Variants in GOLM1 observed in about 807,000 individuals in gnomAD.
GOLM1 encodes the protein epididymis luminal protein 46.
Under a neutral mutation model 50.5 loss-of-function variants are expected in GOLM1, and 31 were observed. The observed-to-expected ratio is 0.61, with a 90% CI of 0.46 to 0.83. The LOEUF (loss-of-function observed/expected upper bound fraction) is 0.83, where lower values mean the gene tolerates loss of function less well. Ranked by LOEUF, GOLM1 falls within the 40% of genes least tolerant of loss-of-function variation. The pLI is 0.00. For synonymous variants in GOLM1, 178 were observed against 192.8 expected (o/e 0.92, Z 0.64); for missense variants, 491 against 501.3 (o/e 0.98, Z 0.20).
chr9:86,081,360 C>T (rs544837387), intron 1 of GOLM1, among the ~76,000 whole-genome samples: 3 of 152,056 alleles, frequency 2.0e-5, no homozygotes, highest in Non-Finnish European at 4.4e-5. Context: ...CCACGGCCAG[C>T]TAATTTTGTA....
chr9:86,026,351 C>CTTAG lies in GOLM1; in HGVS notation c.*1462_*1465dup. On this transcript the variant is annotated 3_prime_UTR_variant, in exon 10 of 10. Coordinates refer to ENST00000388712, the MANE Select transcript of GOLM1 (RefSeq NM_016548.4). ...CCTTTTCTGGGTGGGAAAGTTTAAC[C>CTTAG]TTAGTGACTAAGGACATCACATATG... is the stretch of plus-strand genomic sequence containing the variant. 1.0e-6 allele frequency: 1 copy of CTTAG among 985,182 alleles called. No individual in the cohort carries two copies. The highest frequency in any genetic ancestry group is 1.7e-5 in the African/African-American group (1 of 57,296). The allele number at this position is 985,182 out of a possible 1,614,324, so 61.0% of individuals were successfully genotyped here.
intron 3 of GOLM1, among the ~76,000 whole-genome samples, chr9:86,070,293 A>ACCC (rs1310261811): frequency 6.6e-6 from 1 of 151,988 alleles, no homozygotes; most frequent in East Asian, 1.9e-4. Flanking sequence ...GATTATTTTC[A>ACCC]CCCAGCACAG....
At chr9:86,096,256 T>A (rs1403995154) in intron 1 of GOLM1, among the ~76,000 whole-genome samples, 1 of 151,766 alleles carries the variant, frequency 6.6e-6, no homozygotes, top group Non-Finnish European at 1.5e-5. Context: ...AACTTCTGTA[T>A]CCATAAATAA....
chr9:86,076,018 T>C (rs146203828), intron 3 of GOLM1, among the ~76,000 whole-genome samples: 142 of 152,332 alleles, frequency 9.3e-4, no homozygotes, highest in African/African-American at 3.3e-3. Context: ...AGTCCCTTCC[T>C]GGAAATAATT....
intron 6 of GOLM1, among the ~76,000 whole-genome samples, chr9:86,039,834 G>C (rs1039390596): frequency 2.6e-5 from 4 of 152,070 alleles, no homozygotes; most frequent in Non-Finnish European, 5.9e-5. Context: ...CAGGTGTGGT[G>C]GTGGGTGCCT....
chr9:86,050,654 G>A (rs1185798566), intron 4 of GOLM1, among the ~76,000 whole-genome samples: 1 of 152,148 alleles, frequency 6.6e-6, no homozygotes, highest in Non-Finnish European at 1.5e-5. Flanking sequence ...TTTGCATAGA[G>A]GTGTTTATAG....
intron 1 of GOLM1, among the ~76,000 whole-genome samples, chr9:86,085,528 G>A (rs774103836): frequency 2.1e-5 from 3 of 139,762 alleles, no homozygotes; most frequent in Non-Finnish European, 4.5e-5. Context: ...TGTGCAAAAC[G>A]TGCAGGTTTG....
Position 86,028,317 on chromosome 9 carries a change from C to T in GOLM1, c.1130-424G>A, listed in dbSNP as rs148901127. Among the ~76,000 whole-genome samples, 1,499 of 152,268 alleles carry T rather than the reference C, an allele frequency of 9.8e-3. 18 individuals carry two copies. Among genetic ancestry groups the T allele is most frequent in the African/African-American group, 0.03 (1,259 of 41,548 alleles). On this transcript the variant is annotated intron_variant, in intron 9 of 9. Transcript: ENST00000388712. ...GGAACACACTGGCAGAAGAACACAT[C>T]GAAAGACGCTGGCAGGCCATTGATG...
In GOLM1 at chr9:86,035,732, A is replaced by G; in HGVS notation, c.758-107T>C. On this transcript the variant is annotated intron_variant, in intron 7 of 9. Coordinates refer to ENST00000388712, the MANE Select transcript of GOLM1 (RefSeq NM_016548.4). ...CCACTCAATTCCCAGAGCCTTCCCA[A>G]GGAGTGGGGGTGGGGTGGGCTGCAC... The G allele has an allele frequency of 1.2e-5, 13 of 1,046,308 alleles. No individual in the cohort carries two copies. The South Asian group carries it at 2.1e-4, about 17-fold the overall frequency. 64.8% of individuals were successfully genotyped at this position (1,046,308 alleles called of 1,614,324 possible).
intron 8 of GOLM1, among the ~76,000 whole-genome samples, chr9:86,033,696 A>T (rs1345496263): frequency 6.6e-6 from 1 of 152,224 alleles, no homozygotes; most frequent in Non-Finnish European, 1.5e-5. Flanking sequence ...TCAACTCAAG[A>T]TAAAAGAAAG....
intron 1 of GOLM1, among the ~76,000 whole-genome samples, chr9:86,085,459 T>TG (rs886185311): frequency 2.6e-5 from 4 of 151,196 alleles, no homozygotes; most frequent in African/African-American, 4.8e-5. Context: ...TTTTGTTTTT[T>TG]TTTTTTTTTT....
Position 86,033,538 on chromosome 9 carries a change from A to G in GOLM1, c.1016-143T>C, listed in dbSNP as rs970704233. ...CCTCTCTGGAAATGGTAGGGACGCA[A>G]GGGCTGGCTTCCAGGACAAGCACAT... is the stretch of plus-strand genomic sequence containing the variant. On this transcript the variant is annotated intron_variant, in intron 8 of 9. Transcript: ENST00000388712. 10 of 623,944 alleles carry G rather than the reference A, an allele frequency of 1.6e-5. No individual in the cohort carries two copies. The African/African-American group carries it at 1.8e-4, about 11-fold the overall frequency. The allele number at this position is 623,944 out of a possible 1,614,324, so 38.7% of individuals were successfully genotyped here. A position where few individuals can be genotyped will look rare whatever the true frequency, so the allele number is the denominator to read the frequency against.
At position 86,027,377 on chromosome 9, in the gene GOLM1, A is replaced by C. The variant is rs1832817585; in HGVS notation, c.*440T>G. 1.0e-6 allele frequency: 1 copy of C among 990,992 alleles called. No individual in the cohort carries two copies. Among genetic ancestry groups the C allele is most frequent in the Admixed American group, 6.0e-5 (1 of 16,588 alleles). The allele number at this position is 990,992 out of a possible 1,614,324, so 61.4% of individuals were successfully genotyped here. A position where few individuals can be genotyped will look rare whatever the true frequency, so the allele number is the denominator to read the frequency against. ...GCCAGACTTTTCAGTGAGAACAGGT[A>C]ACAGGCTGGCACCAGCACTTGGTAC... On this transcript the variant is annotated 3_prime_UTR_variant, in exon 10 of 10. Coordinates refer to ENST00000388712, the MANE Select transcript of GOLM1 (RefSeq NM_016548.4).
chr9:86,027,192 A>ATTATACAAGTAGC lies in GOLM1; in HGVS notation c.*612_*624dup. Reference sequence around the variant, plus strand: ...TTGTACATTAAAAATGACAAGGGTTATTATACAAGTAGCCTTTTAAAAAAT... The same window carrying ATTATACAAGTAGC: ...TTGTACATTAAAAATGACAAGGGTTATTATACAAGTAGCTTATACAAGTAGCCTTTTAAAAAAT... On this transcript the variant is annotated 3_prime_UTR_variant, in exon 10 of 10. Coordinates refer to ENST00000388712, the MANE Select transcript of GOLM1 (RefSeq NM_016548.4). 1.0e-6 allele frequency: 1 copy of ATTATACAAGTAGC among 985,090 alleles called. No homozygotes were observed. The highest frequency in any genetic ancestry group is 1.2e-6 in the Non-Finnish European group (1 of 829,758). 61.0% of individuals were successfully genotyped at this position (985,090 alleles called of 1,614,324 possible). A position where few individuals can be genotyped will look rare whatever the true frequency, so the allele number is the denominator to read the frequency against.
At chr9:86,063,503 G>A (rs1834219919) in intron 3 of GOLM1, among the ~76,000 whole-genome samples, 1 of 152,176 alleles carries the variant, frequency 6.6e-6, no homozygotes, top group African/African-American at 2.4e-5. Context: ...AAGTGTACAG[G>A]TTACAGCGTC....
At chr9:86,053,905 C>A (rs1209929057) in intron 3 of GOLM1, among the ~76,000 whole-genome samples, 1 of 152,058 alleles carries the variant, frequency 6.6e-6, no homozygotes, top group Admixed American at 6.6e-5. Context: ...CCACTCCACA[C>A]CAGCCCAGGT....
chr9:86,084,574 A>G (rs1378834846), intron 1 of GOLM1, among the ~76,000 whole-genome samples: 1 of 152,204 alleles, frequency 6.6e-6, no homozygotes, highest in Non-Finnish European at 1.5e-5. Flanking sequence ...GATAAATTCT[A>G]TGGTTAAGGG....
chr9:86,088,420 G>GTGTGTATATATATATA (rs1157260470), intron 1 of GOLM1, among the ~76,000 whole-genome samples: 2 of 86,306 alleles, frequency 2.3e-5, no homozygotes, highest in African/African-American at 1.2e-4. Context: ...TTTGAAGGGT[G>GTGTGTATATATATATA]TATATATATA....
rs143340904 is a variant in GOLM1 at position 86,038,002 on chromosome 9, A to G, written c.598-1495T>C. Among the ~76,000 whole-genome samples the G allele has an allele frequency of 7.3e-3, 1,107 of 152,086 alleles. 24 individuals are homozygous for G. The highest frequency in any genetic ancestry group is 0.026 in the African/African-American group (1,079 of 41,478). ...AAACCCCGATATACTAAAAAATACA[A>G]AATTAGCCAGGTGTGGTAGCGCATG... On this transcript the variant is annotated intron_variant, in intron 6 of 9. Coordinates refer to ENST00000388712, the MANE Select transcript of GOLM1 (RefSeq NM_016548.4).
Sources: gnomAD v4.1 joint callset for allele counts (sites outside exome capture counted in the v4.1 genomes callset) on GRCh38, gnomAD v4.1.1 for gene constraint, MANE v1.5 for transcripts, NCBI Gene and HGNC (gene_info 2026-07-23, HGNC 2026-07-21) for gene names.